The following RHD variants were observed in gnomAD, a reference collection of about 807,000 sequenced individuals.
RHD encodes blood group Rh(D) polypeptide.
RHD carries 16 observed loss-of-function variants against 45.5 expected under a neutral mutation model. That is an observed-to-expected ratio of 0.35 (90% CI 0.24 to 0.53). The LOEUF is 0.53. RHD is among the 20% of genes least tolerant of loss of function. RHD has a pLI of 0.92. For synonymous variants in RHD, 131 were observed against 217.5 expected, an observed-to-expected ratio of 0.60 and a Z score of 3.50; for missense variants, 306 against 532.0, an observed-to-expected ratio of 0.58 and a Z score of 4.18.
At position 25,303,239 on chromosome 1, in the gene RHD, G is replaced by T. The variant is rs1409688703; in HGVS notation, c.802-83G>T. On this transcript the variant is annotated intron_variant, in intron 5 of 9. Coordinates refer to ENST00000328664, the MANE Select transcript of RHD (RefSeq NM_016124.6). ...AGGGAGGATGTTACAGGGTTGCCTTGTTCCCAGCGTGCTGGTCACTTGCAG... is the reference window on the plus strand; with the variant it reads ...AGGGAGGATGTTACAGGGTTGCCTTTTTCCCAGCGTGCTGGTCACTTGCAG... The T allele has an allele frequency of 4.4e-5, 46 of 1,044,610 alleles. 6 individuals are homozygous for T. The highest frequency in any genetic ancestry group is 4.7e-5 in the East Asian group (2 of 42,662). The allele number at this position is 1,044,610 out of a possible 1,614,324, so 64.7% of individuals were successfully genotyped here.
In RHD at chr1:25,307,731, TG is replaced by T. The variant is rs1394011240; in HGVS notation, c.1073+1004del. ...GTTTGGACGTGTCTCAGAGAAATCA[TG>T]GAGGCGCTGCGGTTCCTACCGGTTC... On this transcript the variant is annotated intron_variant, in intron 7 of 9. Transcript: ENST00000328664. The T allele has an allele frequency of 1.2e-5, 16 of 1,308,086 alleles. 4 individuals carry two copies. The Admixed American group carries it at 1.3e-4, about 10-fold the overall frequency. 81.0% of individuals were successfully genotyped at this position (1,308,086 alleles called of 1,614,324 possible).
chr1:25,310,985 AAAAG>A (rs1644114235), intron 7 of RHD, among the ~76,000 whole-genome samples: 1 of 130,374 alleles, frequency 7.7e-6, no homozygotes, highest in South Asian at 2.3e-4. Flanking sequence ...AAAAAAAAAA[AAAAG>A]AAAGAAAAAG....
At position 25,290,646 on chromosome 1, in the gene RHD, G is replaced by A. The variant is rs530929152; in HGVS notation, c.341G>A (p.Arg114Gln). The A allele has an allele frequency of 5.8e-6, 8 of 1,377,854 alleles. No homozygotes were observed. The East Asian group carries it at 1.1e-4, about 19-fold the overall frequency. 85.4% of individuals were successfully genotyped at this position (1,377,854 alleles called of 1,614,324 possible). A position where few individuals can be genotyped will look rare whatever the true frequency, so the allele number is the denominator to read the frequency against. The change falls in exon 3 of 10, where the codon CGG becomes CAG. Residue 114 changes from arginine (R) to glutamine (Q), a missense_variant. Arg to Gln is a conservative substitution (Grantham distance 43). Transcript: ENST00000328664. Reference sequence around the variant, plus strand: ...GCTCTCCCTCTCTCCCCCAGTATTCGGCTGGCCACCATGAGTGCTTTGTCG... The same window carrying A: ...GCTCTCCCTCTCTCCCCCAGTATTCAGCTGGCCACCATGAGTGCTTTGTCG... ...GKVVITLFSI[R>Q]LATMSALSVL...
chr1:25,320,257 A>C (rs28628791), intron 8 of RHD, among the ~76,000 whole-genome samples: 85,069 of 130,164 alleles, frequency 0.65, 34,474 homozygotes, highest in South Asian at 0.86. Flanking sequence ...AGAGATTAGA[A>C]CAACAACCCT....
rs1383076572 is a variant in RHD, at chr1:25,307,678, G to T, written c.1073+949G>T. 11 of 1,301,278 alleles carry T rather than the reference G, an allele frequency of 8.5e-6. 2 individuals are homozygous for T. The highest frequency in any genetic ancestry group is 1.1e-5 in the Non-Finnish European group (10 of 943,814). The allele number at this position is 1,301,278 out of a possible 1,614,324, so 80.6% of individuals were successfully genotyped here. ...CGGCTGGAACCTGGCTGTAAAAATG[G>T]CTGAAGCAGGTGATGAGGAGCTGAT... On this transcript the variant is annotated intron_variant, in intron 7 of 9. Coordinates refer to ENST00000328664, the MANE Select transcript of RHD (RefSeq NM_016124.6).
intron 9 of RHD, 30 bp from the exon 10 acceptor site, chr1:25,328,868 G>A (rs1452428954): frequency 1.9e-6 from 2 of 1,063,550 alleles, no homozygotes; most frequent in Admixed American, 4.0e-5. Context: ...GGGTTCATCT[G>A]CAATAAAAAT....
In RHD at chr1:25,293,837, A is replaced by C. The variant is rs634594; in HGVS notation, c.486+3046A>C. On this transcript the variant is annotated intron_variant, in intron 3 of 9. Coordinates refer to ENST00000328664, the MANE Select transcript of RHD (RefSeq NM_016124.6). ...GAAATTTGATCATGTACTAATCATA[A>C]TAAAGCTGGATTCTCTTTAAGAGAT... Among the ~76,000 whole-genome samples the C allele has an allele frequency of 9.4e-3, 1,239 of 132,114 alleles. 181 individuals are homozygous for C. Among genetic ancestry groups the C allele is most frequent in the African/African-American group, 0.031 (1,181 of 38,598 alleles). The allele number at this position is 132,114 out of a possible 152,430, so 86.7% of individuals were successfully genotyped here. A position where few individuals can be genotyped will look rare whatever the true frequency, so the allele number is the denominator to read the frequency against.
chr1:25,282,058 T>C (rs111989070), intron 1 of RHD, among the ~76,000 whole-genome samples: 3,210 of 131,426 alleles, frequency 0.024, 517 homozygotes, highest in African/African-American at 0.077. Flanking sequence ...TGATGAACAG[T>C]CACTATTTAT....
At position 25,301,051 on chromosome 1, in the gene RHD, A is replaced by G; in HGVS notation, c.592A>G (p.Lys198Glu). The G allele has an allele frequency of 1.5e-6, 2 of 1,377,090 alleles. 1 individual carries two copies. The highest frequency in any genetic ancestry group is 2.0e-6 in the Non-Finnish European group (2 of 978,506). 85.3% of individuals were successfully genotyped at this position (1,377,090 alleles called of 1,614,324 possible). A position where few individuals can be genotyped will look rare whatever the true frequency, so the allele number is the denominator to read the frequency against. The change falls in exon 4 of 10, where the codon AAA (lysine) becomes GAA (glutamate). Residue 198 changes from lysine to glutamate, a missense_variant. Physicochemically the swap from Lys to Glu is moderately conservative, Grantham distance 56. Coordinates refer to ENST00000328664, the MANE Select transcript of RHD (RefSeq NM_016124.6). Reference sequence around the variant, plus strand: ...GCCTCTACCCGAGGGAACGGAGGATAAAGATCAGACAGCAACGATACCCAG... The same window carrying G: ...GCCTCTACCCGAGGGAACGGAGGATGAAGATCAGACAGCAACGATACCCAG... The part of the protein sequence containing the change: ...PKPLPEGTED[K>E]DQTATIPSLS...
intron 3 of RHD, among the ~76,000 whole-genome samples, chr1:25,292,526 C>T (rs975933595): frequency 7.6e-6 from 1 of 131,488 alleles, no homozygotes; most frequent in African/African-American, 2.6e-5. Context: ...TCAAGGTTCT[C>T]ATCTGGCACA....
Position 25,286,866 on chromosome 1 carries a change from G to C in RHD, c.335+2107G>C, listed in dbSNP as rs770239233. Among the ~76,000 whole-genome samples, 12 of 134,458 alleles carry C rather than the reference G, an allele frequency of 8.9e-5. 4 individuals carry two copies. The highest frequency in any genetic ancestry group is 2.1e-4 in the Non-Finnish European group (12 of 56,864). 88.2% of individuals were successfully genotyped at this position (134,458 alleles called of 152,430 possible). A position where few individuals can be genotyped will look rare whatever the true frequency, so the allele number is the denominator to read the frequency against. On this transcript the variant is annotated intron_variant, in intron 2 of 9. Transcript: ENST00000328664. ...CCTAGTACTTTAGGAGGCCTAGCAG[G>C]TGGATTACCTGAGGTCAGGAGTCCG...
chr1:25,312,588 A>C (rs1644204343), intron 7 of RHD, among the ~76,000 whole-genome samples: 1 of 129,472 alleles, frequency 7.7e-6, no homozygotes, highest in African/African-American at 2.6e-5. Flanking sequence ...TACAAAAAAT[A>C]AAAATAAAAA....
intron 7 of RHD, among the ~76,000 whole-genome samples, chr1:25,311,690 A>G (rs1644156971): frequency 7.7e-6 from 1 of 129,248 alleles, no homozygotes; most frequent in Non-Finnish European, 1.8e-5. Context: ...GTTTGGAATG[A>G]CCAGCTGCTG....
chr1:25,328,977 T>C lies in RHD; in HGVS notation c.*53T>C, dbSNP rs1406795418. The C allele has an allele frequency of 7.3e-7, 1 of 1,366,096 alleles. No individual in the cohort carries two copies. The highest frequency in any genetic ancestry group is 2.2e-5 in the East Asian group (1 of 44,480). 84.6% of individuals were successfully genotyped at this position (1,366,096 alleles called of 1,614,324 possible). The stretch of plus-strand genomic sequence containing the variant: ...TGTTCAAAAACAAGACAACTTCCTC[T>C]CACTGTTGCCTGCATTTGTACGTGA... On this transcript the variant is annotated 3_prime_UTR_variant, in exon 10 of 10. Transcript: ENST00000328664.
intron 3 of RHD, among the ~76,000 whole-genome samples, chr1:25,298,877 G>C (rs1271559493): frequency 7.8e-6 from 1 of 128,684 alleles, no homozygotes; most frequent in Middle Eastern, 4.1e-3. Context: ...CGAAAAGTTG[G>C]GGAGAGAGGA....
chr1:25,324,402 G>GT (rs1237635238), intron 9 of RHD, among the ~76,000 whole-genome samples: 1 of 142,834 alleles, frequency 7.0e-6, no homozygotes, highest in African/African-American at 2.6e-5. Flanking sequence ...GAAACCCGAT[G>GT]TTGGCCATCA....
chr1:25,306,330 G>C (rs756878739), intron 6 of RHD, among the ~76,000 whole-genome samples: 1 of 131,874 alleles, frequency 7.6e-6, no homozygotes, highest in African/African-American at 2.6e-5. Context: ...TCATAGTGTG[G>C]TCCGTAGACC....
chr1:25,292,327 A>G (rs1457426352), intron 3 of RHD, among the ~76,000 whole-genome samples: 1 of 132,664 alleles, frequency 7.5e-6, no homozygotes, highest in African/African-American at 2.6e-5. Flanking sequence ...GGGTTCAGAA[A>G]AGACTGAAGG....
rs1414264008 is a variant in RHD at position 25,274,874 on chromosome 1, G to C, written c.148+2179G>C. Among the ~76,000 whole-genome samples, 59 of 131,502 alleles carry C rather than the reference G, an allele frequency of 4.5e-4. 9 individuals carry two copies. Among genetic ancestry groups the C allele is most frequent in the African/African-American group, 1.5e-3 (58 of 38,562 alleles). The allele number at this position is 131,502 out of a possible 152,430, so 86.3% of individuals were successfully genotyped here. A position where few individuals can be genotyped will look rare whatever the true frequency, so the allele number is the denominator to read the frequency against. ...TTATAAAAACTGGCTGGGTGTGGTG[G>C]CACACGTCTATAATCCGAGCTACTT... On this transcript the variant is annotated intron_variant, in intron 1 of 9. Coordinates refer to ENST00000328664, the MANE Select transcript of RHD (RefSeq NM_016124.6).
Sources: allele counts gnomAD v4.1 joint callset (sites outside exome capture counted in the v4.1 genomes callset), GRCh38; gene constraint gnomAD v4.1.1; transcripts MANE v1.5; gene names NCBI Gene and HGNC (gene_info 2026-07-23, HGNC 2026-07-21).